CCDC187: variants seen among roughly 807,000 people sequenced by gnomAD.
CCDC187 encodes the protein coiled-coil domain containing 187, also known as coiled-coil domain-containing protein 187.
A neutral mutation model predicts 38.0 loss-of-function variants in CCDC187; 32 were observed. The observed-to-expected ratio is 0.84, with a 90% CI of 0.64 to 1.13. CCDC187 has a LOEUF of 1.13. Ranked by LOEUF, CCDC187 falls within the 50% of genes most tolerant of loss-of-function variation. The probability of loss-of-function intolerance (pLI) is 0.00; values close to 1 mark genes in which losing one functional copy is unlikely to be tolerated. For missense variants in CCDC187, 707 were observed against 786.8 expected (o/e 0.90, Z 1.21); for synonymous variants, 333 against 347.9 (o/e 0.96, Z 0.48).
Position 136,292,194 on chromosome 9 carries a change from G to T in CCDC187, c.934C>A (p.Pro312Thr). 5.0e-6 allele frequency: 2 copies of T among 398,788 alleles called. No homozygotes were observed. Among genetic ancestry groups the T allele is most frequent in the Non-Finnish European group, 4.4e-6 (1 of 226,212 alleles). The allele number at this position is 398,788 out of a possible 1,614,324, so 24.7% of individuals were successfully genotyped here. Reference sequence around the variant, plus strand: ...ACGGTGAGAGCCGGGTCTCTCGAGGGATCCTTGCTATGGTGCCTGCGGAGG... The same window carrying T: ...ACGGTGAGAGCCGGGTCTCTCGAGGTATCCTTGCTATGGTGCCTGCGGAGG... ...PVLRRHHSKD[P>T]SRDPALTVDL... The change falls in exon 5 of 26, where the codon CCC (proline) becomes ACC (threonine). Residue 312 changes from proline (P) to threonine (T), a missense_variant. Coordinates refer to ENST00000638797, the MANE Select transcript of CCDC187 (RefSeq NM_001378188.1).
rs1301890367 is a variant in CCDC187, at chr9:136,264,036, C to G, written c.3736-238G>C. ...GGGCGGCAGGAGGGAGGCAGGTACT[C>G]TTTCCCCAGGGCCCACGCAGGGCTG... On this transcript the variant is annotated intron_variant, in intron 17 of 25. Coordinates refer to ENST00000638797, the MANE Select transcript of CCDC187 (RefSeq NM_001378188.1). The surrounding 1 kb of genome is among the most constrained non-coding windows in gnomAD (Gnocchi z 4.3). 1 of 156,162 alleles carries G rather than the reference C, an allele frequency of 6.4e-6. No homozygotes were observed. The highest frequency in any genetic ancestry group is 6.5e-5 in the Admixed American group (1 of 15,294). The allele number at this position is 156,162 out of a possible 1,614,324, so 9.7% of individuals were successfully genotyped here.
Position 136,254,588 on chromosome 9 carries a change from G to A in CCDC187, c.5240C>T (p.Ser1747Phe), listed in dbSNP as rs1830589986. The change falls in exon 26 of 26, where the codon TCT becomes TTT. Residue 1747 changes from serine (S) to phenylalanine (F), a missense_variant. Coordinates refer to ENST00000638797, the MANE Select transcript of CCDC187 (RefSeq NM_001378188.1). ...GWLLPFPDIP[S>F]PRSGSELSEA... ...TGACAGCTCTGACCCTGACCTTGGAGAGGGGATGTCTGGGAAAGGCAGTAG... is the reference window on the plus strand; with the variant it reads ...TGACAGCTCTGACCCTGACCTTGGAAAGGGGATGTCTGGGAAAGGCAGTAG... The A allele has an allele frequency of 1.0e-6, 1 of 985,428 alleles. No homozygotes were observed. Among genetic ancestry groups the A allele is most frequent in the Non-Finnish European group, 1.2e-6 (1 of 830,008 alleles). The allele number at this position is 985,428 out of a possible 1,614,324, so 61.0% of individuals were successfully genotyped here. A position where few individuals can be genotyped will look rare whatever the true frequency, so the allele number is the denominator to read the frequency against.
chr9:136,254,463 C>A lies in CCDC187; in HGVS notation c.5365G>T (p.Gly1789Cys), dbSNP rs1170359462. 4.1e-6 allele frequency: 4 copies of A among 985,460 alleles called. No homozygotes were observed. Among genetic ancestry groups the A allele is most frequent in the Middle Eastern group, 5.2e-4 (1 of 1,914 alleles). The allele number at this position is 985,460 out of a possible 1,614,324, so 61.0% of individuals were successfully genotyped here. A position where few individuals can be genotyped will look rare whatever the true frequency, so the allele number is the denominator to read the frequency against. The change falls in exon 26 of 26, where the codon GGC becomes TGC. Residue 1789 changes from glycine (G) to cysteine (C), a missense_variant. Physicochemically the swap from Gly to Cys is radical, Grantham distance 159 (BLOSUM62 -3). Coordinates refer to ENST00000638797, the MANE Select transcript of CCDC187 (RefSeq NM_001378188.1). Reference sequence around the variant, plus strand: ...ACGCCGCTTCCAAGGCCCAGTGAGCCACCTGCAGGCAGGGAGCTCCCCGAG... The same window carrying A: ...ACGCCGCTTCCAAGGCCCAGTGAGCAACCTGCAGGCAGGGAGCTCCCCGAG... The part of the protein sequence containing the change: ...PASGSSLPAG[G>C]SLGLGSGVEP...
At chr9:136,278,347 A>G (rs1375899461) in intron 10 of CCDC187, among the ~76,000 whole-genome samples, 1 of 152,100 alleles carries the variant, frequency 6.6e-6, no homozygotes, top group African/African-American at 2.4e-5. Flanking sequence ...TCAGCACCCA[A>G]CAGATCAGAG....
intron 9 of CCDC187, among the ~76,000 whole-genome samples, chr9:136,284,731 A>AG (rs1280936907): frequency 1.0e-3 from 145 of 145,630 alleles, no homozygotes; most frequent in Admixed American, 4.8e-3. Flanking sequence ...GCAGGTGTGG[A>AG]GGGGGTTTTT....
At chr9:136,296,964 A>G (rs1047257582) in intron 4 of CCDC187, among the ~76,000 whole-genome samples, 1 of 152,106 alleles carries the variant, frequency 6.6e-6, no homozygotes, top group Non-Finnish European at 1.5e-5. Flanking sequence ...GGGTCTGCGG[A>G]AGACCCTCTC....
chr9:136,261,309 G>A (rs1830676433), intron 19 of CCDC187, among the ~76,000 whole-genome samples: 1 of 152,184 alleles, frequency 6.6e-6, no homozygotes, highest in Non-Finnish European at 1.5e-5. Context: ...TCGTGGGTAG[G>A]CTCCCAGGGA....
intron 19 of CCDC187, 34 bp downstream of exon 19, chr9:136,262,277 C>T: frequency 1.0e-6 from 1 of 985,974 alleles, no homozygotes. Flanking sequence ...GGTCCAGACC[C>T]CGACCCCCGA....
At chr9:136,284,493 A>G (rs1350105129) in intron 9 of CCDC187, among the ~76,000 whole-genome samples, 1 of 152,160 alleles carries the variant, frequency 6.6e-6, no homozygotes, top group Non-Finnish European at 1.5e-5. Context: ...GCAGCTGCTC[A>G]GGTCAGGCCG....
chr9:136,273,347 G>A (rs572322524), intron 14 of CCDC187, among the ~76,000 whole-genome samples: 4 of 152,284 alleles, frequency 2.6e-5, no homozygotes, highest in South Asian at 2.1e-4. Flanking sequence ...TGAAACACCC[G>A]TTGAAGGAGA....
intron 18 of CCDC187, 71 bp downstream of exon 18, chr9:136,263,550 AG>A: frequency 2.1e-6 from 2 of 972,688 alleles, no homozygotes; most frequent in Non-Finnish European, 2.4e-6. Context: ...CATTTTTACA[AG>A]GGACTTGCAC....
chr9:136,283,924 C>T (rs1831108285), intron 9 of CCDC187, among the ~76,000 whole-genome samples: 1 of 152,188 alleles, frequency 6.6e-6, no homozygotes, highest in African/African-American at 2.4e-5. Context: ...CACAATGGCT[C>T]AGTTCCATGG....
intron 17 of CCDC187, chr9:136,265,542 G>C (rs139707622): frequency 2.6e-4 from 39 of 152,384 alleles, no homozygotes; most frequent in African/African-American, 9.4e-4. Context: ...AGTGCTGGCT[G>C]CACTAAACTC....
At chr9:136,266,511 G>A (rs1830751105) in intron 16 of CCDC187, 1 of 152,212 alleles carries the variant, frequency 6.6e-6, no homozygotes, top group Admixed American at 6.5e-5. Flanking sequence ...CATTCTCACT[G>A]ACCCGGTCAT....
intron 14 of CCDC187, among the ~76,000 whole-genome samples, chr9:136,272,801 A>T (rs782731566): frequency 3.7e-4 from 55 of 150,604 alleles, no homozygotes; most frequent in Non-Finnish European, 7.3e-4. Context: ...TTGAGCCCAG[A>T]AGGCAGAGGT....
Position 136,263,752 on chromosome 9 carries a change from T to C in CCDC187, c.3782A>G (p.Asp1261Gly). 1.0e-6 allele frequency: 1 copy of C among 985,446 alleles called. No homozygotes were observed. Among genetic ancestry groups the C allele is most frequent in the Non-Finnish European group, 1.2e-6 (1 of 829,924 alleles). 61.0% of individuals were successfully genotyped at this position (985,446 alleles called of 1,614,324 possible). The stretch of plus-strand genomic sequence containing the variant: ...CTGATGCTGCAGAAGCAGCTTCCTG[T>C]CCCGGTGCCTGAACAGCTGCGTGTG... Reference protein sequence around the residue: ...LRHTQLFRHRDRKLLLQHQRD... With the variant: ...LRHTQLFRHRGRKLLLQHQRD... Residue 1261 changes from aspartate (D) to glycine (G), a missense_variant, in exon 18 of 26, where the codon GAC becomes GGC. Coordinates refer to ENST00000638797, the MANE Select transcript of CCDC187 (RefSeq NM_001378188.1).
chr9:136,296,490 C>G (rs878907920), intron 4 of CCDC187: 23,679 of 152,240 alleles, frequency 0.16, 2,306 homozygotes, highest in South Asian at 0.37. Context: ...TGTGCAGCCC[C>G]GGGCAGGCTG....
At chr9:136,273,734 G>T (rs147181445) in intron 14 of CCDC187, among the ~76,000 whole-genome samples, 1 of 152,244 alleles carries the variant, frequency 6.6e-6, no homozygotes. Flanking sequence ...ACCCACTGAC[G>T]TAGACTGTCT....
chr9:136,284,075 G>A (rs892932605), intron 9 of CCDC187, among the ~76,000 whole-genome samples: 1 of 152,110 alleles, frequency 6.6e-6, no homozygotes, highest in Non-Finnish European at 1.5e-5. Context: ...TTCCTAGGAA[G>A]GATGGGCAGG....
Sources: allele counts gnomAD v4.1 joint callset (sites outside exome capture counted in the v4.1 genomes callset), GRCh38; gene constraint gnomAD v4.1.1; non-coding constraint Gnocchi (gnomAD v3.1); transcripts MANE v1.5; gene names NCBI Gene and HGNC (gene_info 2026-07-23, HGNC 2026-07-21).